Variants in MTMR9 observed in about 807,000 individuals in gnomAD.
MTMR9 encodes myotubularin-related protein 9.
A neutral mutation model predicts 69.5 loss-of-function variants in MTMR9; 39 were observed. The ratio of observed to expected loss-of-function variants is 0.56; its 90% CI spans 0.43 to 0.73. The LOEUF is 0.73. Ranked by LOEUF, MTMR9 falls within the 30% of genes least tolerant of loss-of-function variation. MTMR9 has a pLI of 0.00. For synonymous variants in MTMR9, 354 were observed against 240.8 expected, an observed-to-expected ratio of 1.47 and a Z score of -4.35; for missense variants, 900 against 671.2, an observed-to-expected ratio of 1.34 and a Z score of -3.77.
At chr8:11,313,874 G>A (rs926453004) in intron 6 of MTMR9, among the ~76,000 whole-genome samples, 5 of 152,196 alleles carry the variant, frequency 3.3e-5, no homozygotes, top group South Asian at 2.1e-4. Flanking sequence ...ATGAGACAGA[G>A]ACACAAAGTA....
chr8:11,297,816 T>A (rs1008403912), intron 2 of MTMR9: 2 of 454,842 alleles, frequency 4.4e-6, no homozygotes, highest in African/African-American at 4.0e-5. Flanking sequence ...TCATTTGACC[T>A]CAGAAAATGA....
chr8:11,308,035 TGTTA>T (rs1800031756), intron 5 of MTMR9, among the ~76,000 whole-genome samples: 1 of 152,196 alleles, frequency 6.6e-6, no homozygotes, highest in East Asian at 1.9e-4. Flanking sequence ...GTGCAAAACT[TGTTA>T]GTTTGTTCAG....
the MTMR9 span, among the ~76,000 whole-genome samples, chr8:11,338,002 A>G: frequency 6.6e-5 from 10 of 152,230 alleles, no homozygotes; most frequent in African/African-American, 2.4e-4. Context: ...CAGCTTCAGG[A>G]CTTGGCTAAT....
intron 5 of MTMR9, 67 bp downstream of exon 5, chr8:11,306,474 A>G: frequency 7.1e-7 from 1 of 1,406,408 alleles, no homozygotes; most frequent in African/African-American, 1.4e-5. Context: ...GGCCTTAGCC[A>G]TTTGAAAATC....
Position 11,327,389 on chromosome 8 carries a change from C to G in MTMR9, c.*4601C>G, listed in dbSNP as rs1464455537. 2 of 152,154 alleles carry G rather than the reference C, an allele frequency of 1.3e-5. No homozygotes were observed. The highest frequency in any genetic ancestry group is 2.9e-5 in the Non-Finnish European group (2 of 68,034). The allele number at this position is 152,154 out of a possible 1,614,324, so 9.4% of individuals were successfully genotyped here. ...CCATTCTCTTTAACCGTCTGCAGGTCTAAGGATTAACTATATTTGTGATTT... is the reference window on the plus strand; with the variant it reads ...CCATTCTCTTTAACCGTCTGCAGGTGTAAGGATTAACTATATTTGTGATTT... On this transcript the variant is annotated 3_prime_UTR_variant, in exon 10 of 10. Transcript: ENST00000221086.
At chr8:11,294,600 C>G (rs543832906) in intron 1 of MTMR9, among the ~76,000 whole-genome samples, 33 of 149,618 alleles carry the variant, frequency 2.2e-4, no homozygotes, top group African/African-American at 6.9e-4. Flanking sequence ...CTCCCGGGTT[C>G]AAGCGATTCT....
intron 9 of MTMR9, 105 bp downstream of exon 9, chr8:11,319,943 C>T (rs1173767873): frequency 1.2e-5 from 13 of 1,093,246 alleles, no homozygotes. Flanking sequence ...CTGGACGTGG[C>T]CCTCAGACCT....
Position 11,324,332 on chromosome 8 carries a change from C to T in MTMR9, c.*1544C>T, listed in dbSNP as rs564409251. The T allele has an allele frequency of 3.9e-4, 60 of 152,238 alleles. No individual in the cohort carries two copies. Among genetic ancestry groups the T allele is most frequent in the African/African-American group, 1.4e-3 (60 of 41,536 alleles). 9.4% of individuals were successfully genotyped at this position (152,238 alleles called of 1,614,324 possible). The stretch of plus-strand genomic sequence containing the variant: ...CTTGTAGCAAAGGCTACACAGCAGC[C>T]CACAGTCCACAGTCTTTTTGGGAAA... On this transcript the variant is annotated 3_prime_UTR_variant, in exon 10 of 10. Coordinates refer to ENST00000221086, the MANE Select transcript of MTMR9 (RefSeq NM_015458.4).
chr8:11,303,801 C>T (rs2736389), intron 3 of MTMR9, among the ~76,000 whole-genome samples: 2 of 152,034 alleles, frequency 1.3e-5, no homozygotes, highest in Non-Finnish European at 1.5e-5. Context: ...CCCAAAGTGC[C>T]GGGATGATAG....
chr8:11,286,028 C>A (rs1304878067), intron 1 of MTMR9, among the ~76,000 whole-genome samples: 1 of 146,138 alleles, frequency 6.8e-6, no homozygotes, highest in African/African-American at 2.6e-5. Context: ...TCTCGGCTCA[C>A]TGTAACCTCC....
intron 1 of MTMR9, among the ~76,000 whole-genome samples, chr8:11,285,712 C>CTT (rs1799123835): frequency 6.6e-6 from 1 of 152,180 alleles, no homozygotes; most frequent in South Asian, 2.1e-4. Context: ...GTACTCCAGA[C>CTT]TTTATCTTTC....
chr8:11,298,634 G>C, intron 2 of MTMR9: 3 of 463,126 alleles, frequency 6.5e-6, no homozygotes, highest in Non-Finnish European at 8.5e-6. Context: ...ATTGCTGTTG[G>C]GCCTTCTCCT....
rs1462265594 is a variant in MTMR9 at position 11,327,926 on chromosome 8, G to A, written c.*5138G>A. On this transcript the variant is annotated 3_prime_UTR_variant, in exon 10 of 10. Transcript: ENST00000221086. ...TATTCACTAGGTGATAATTTCCCCT[G>A]TACCCTATAACTGTAATCATTCACC... 2 of 152,156 alleles carry A rather than the reference G, an allele frequency of 1.3e-5. No homozygotes were observed. The highest frequency in any genetic ancestry group is 4.8e-5 in the African/African-American group (2 of 41,384). The allele number at this position is 152,156 out of a possible 1,614,324, so 9.4% of individuals were successfully genotyped here.
chr8:11,321,323 C>T, intron 9 of MTMR9: 1 of 442,206 alleles, frequency 2.3e-6, no homozygotes, highest in South Asian at 1.6e-5. Context: ...GTACAGGGTT[C>T]ATGATCTCTT....
chr8:11,322,515 C>G (rs1800739612), intron 9 of MTMR9, 110 bp from the exon 10 acceptor site: 1 of 887,472 alleles, frequency 1.1e-6, no homozygotes. Context: ...GTTGTGGCAA[C>G]AAAAGAAAAA....
In MTMR9 at chr8:11,290,504, C is replaced by CT. The variant is rs748689043; in HGVS notation, c.183-4688dup. ...TTTTGCTTTATGGTGTGTGGCTTGTCTTAAGAACTCCTTCCCTGTCCCCAA... is the reference window on the plus strand; with the variant it reads ...TTTTGCTTTATGGTGTGTGGCTTGTCTTTAAGAACTCCTTCCCTGTCCCCAA... On this transcript the variant is annotated intron_variant, in intron 1 of 9. Coordinates refer to ENST00000221086, the MANE Select transcript of MTMR9 (RefSeq NM_015458.4). Among the ~76,000 whole-genome samples the CT allele has an allele frequency of 2.6e-5, 4 of 152,016 alleles. No homozygotes were observed. The East Asian group carries it at 7.7e-4, about 29-fold the overall frequency.
rs1314680671 is a variant in MTMR9 at position 11,322,621 on chromosome 8, A to G, written c.1487-4A>G. The G allele has an allele frequency of 8.1e-6, 13 of 1,612,650 alleles. No homozygotes were observed. The highest frequency in any genetic ancestry group is 2.2e-5 in the South Asian group (2 of 90,836). ...CTTCTGTTTTCCATTCCTGGATTCA[A>G]TAGGTATTTTCCTACGTTGGAATAG... On this transcript the variant is annotated splice_region_variant and splice_polypyrimidine_tract_variant and intron_variant, in intron 9 of 9. Transcript: ENST00000221086.
chr8:11,318,293 C>T (rs1184923513), intron 8 of MTMR9: 1 of 152,330 alleles, frequency 6.6e-6, no homozygotes, highest in African/African-American at 2.4e-5. Flanking sequence ...CGGCCATGGG[C>T]AGGGGGCACA....
intron 9 of MTMR9, among the ~76,000 whole-genome samples, chr8:11,322,261 A>G (rs1340195729): frequency 2.0e-5 from 3 of 152,250 alleles, no homozygotes; most frequent in African/African-American, 4.8e-5. Context: ...TTCTATAATT[A>G]TAAAAATAAG....
Sources: allele counts gnomAD v4.1 joint callset (sites outside exome capture counted in the v4.1 genomes callset), GRCh38; gene constraint gnomAD v4.1.1; transcripts MANE v1.5; gene names NCBI Gene and HGNC (gene_info 2026-07-23, HGNC 2026-07-21).